FOXP1: variants seen among roughly 807,000 people sequenced by gnomAD.
FOXP1 encodes forkhead box protein P1.
In FOXP1, 15 loss-of-function variants were observed where a neutral mutation model predicts 98.2. The observed-to-expected ratio is 0.15, with a 90% CI of 0.10 to 0.24. The LOEUF is 0.24. FOXP1 is among the 10% of genes least tolerant of loss of function. The probability of loss-of-function intolerance (pLI) is 1.00; values close to 1 mark genes in which losing one functional copy is unlikely to be tolerated. For synonymous variants in FOXP1, 371 were observed against 314.5 expected (o/e 1.18, Z -1.90); for missense variants, 633 against 848.5 (o/e 0.75, Z 3.15).
intron 6 of FOXP1, among the ~76,000 whole-genome samples, chr3:71,196,378 C>A (rs940318583): frequency 6.6e-6 from 1 of 152,014 alleles, no homozygotes; most frequent in East Asian, 1.9e-4. Context: ...TGTGTGTGGG[C>A]GCATGTGTGT....
chr3:70,987,393 A>T (rs554220027), intron 14 of FOXP1, among the ~76,000 whole-genome samples: 1 of 152,348 alleles, frequency 6.6e-6, no homozygotes, highest in Non-Finnish European at 1.5e-5. Context: ...GATTCTTACA[A>T]ATTAAATGTA....
At chr3:70,994,040 A>AAAAG (rs2041020132) in intron 13 of FOXP1, among the ~76,000 whole-genome samples, 1 of 149,506 alleles carries the variant, frequency 6.7e-6, no homozygotes, top group African/African-American at 2.5e-5. Flanking sequence ...AAGAAAAAGA[A>AAAAG]AAAAAAGTGA....
At chr3:71,358,563 C>T (rs928898652) in intron 4 of FOXP1, among the ~76,000 whole-genome samples, 6 of 152,188 alleles carry the variant, frequency 3.9e-5, no homozygotes, top group Non-Finnish European at 8.8e-5. Context: ...CACCATCTTT[C>T]AAGGTAGTAA....
At chr3:71,289,120 C>T (rs998225406) in intron 5 of FOXP1, among the ~76,000 whole-genome samples, 8 of 151,810 alleles carry the variant, frequency 5.3e-5, no homozygotes, top group African/African-American at 1.7e-4. Flanking sequence ...CTGCAACCTC[C>T]GTCTCCCGGG....
intron 2 of FOXP1, among the ~76,000 whole-genome samples, chr3:71,529,386 A>G (rs1310776012): frequency 1.3e-5 from 2 of 152,190 alleles, no homozygotes; most frequent in African/African-American, 4.8e-5. Flanking sequence ...TAAGAAATAA[A>G]TATTTGGTCT....
At chr3:71,371,491 A>G (rs1474944466) in intron 3 of FOXP1, among the ~76,000 whole-genome samples, 1 of 152,222 alleles carries the variant, frequency 6.6e-6, no homozygotes, top group East Asian at 1.9e-4. Flanking sequence ...CATCCATTTC[A>G]GAATAAAATC....
intron 3 of FOXP1, among the ~76,000 whole-genome samples, chr3:71,477,081 G>A (rs1249623273): frequency 1.3e-5 from 2 of 152,136 alleles, no homozygotes; most frequent in African/African-American, 4.8e-5. Context: ...AGCTAGTGTT[G>A]CAGATACAGC....
At chr3:71,188,472 T>C (rs909589368) in intron 6 of FOXP1, among the ~76,000 whole-genome samples, 2 of 151,582 alleles carry the variant, frequency 1.3e-5, no homozygotes, top group African/African-American at 2.4e-5. Flanking sequence ...TGGAGTGCAG[T>C]GGCACAATCT....
intron 6 of FOXP1, among the ~76,000 whole-genome samples, chr3:71,132,187 T>C (rs961341450): frequency 1.3e-5 from 2 of 152,170 alleles, no homozygotes; most frequent in African/African-American, 2.4e-5. Context: ...GCCATGAAAG[T>C]GGGCGGTCAG....
At chr3:71,315,624 G>A (rs75651010) in intron 4 of FOXP1, among the ~76,000 whole-genome samples, 1,946 of 152,254 alleles carry the variant, frequency 0.013, 30 homozygotes, top group Admixed American at 0.033. Flanking sequence ...CCTCTGGGAG[G>A]GGACTCTGTG....
chr3:71,522,014 C>T (rs2043030695), intron 2 of FOXP1, among the ~76,000 whole-genome samples: 2 of 142,920 alleles, frequency 1.4e-5, no homozygotes. Context: ...AACATCTGAA[C>T]AGCAAGAAAT....
At chr3:71,302,204 A>G (rs2073904063) in intron 4 of FOXP1, among the ~76,000 whole-genome samples, 1 of 152,222 alleles carries the variant, frequency 6.6e-6, no homozygotes, top group African/African-American at 2.4e-5. Flanking sequence ...AAAAAGATTA[A>G]TAGTTCAACA....
intron 5 of FOXP1, among the ~76,000 whole-genome samples, chr3:71,246,760 A>C (rs1028788294): frequency 2.6e-5 from 4 of 152,226 alleles, no homozygotes; most frequent in Non-Finnish European, 5.9e-5. Context: ...TGGCCAGTTC[A>C]GCGCGTCTTA....
intron 1 of FOXP1, among the ~76,000 whole-genome samples, chr3:71,583,135 C>T (rs776928406): frequency 6.6e-6 from 1 of 152,126 alleles, no homozygotes; most frequent in East Asian, 1.9e-4. Flanking sequence ...TTGCGCCAGG[C>T]GGCCTGGGCT....
At chr3:71,186,450 C>G (rs1051013903) in intron 6 of FOXP1, among the ~76,000 whole-genome samples, 1 of 152,240 alleles carries the variant, frequency 6.6e-6, no homozygotes, top group African/African-American at 2.4e-5. Flanking sequence ...CGGTGGCTCA[C>G]GCCTGTAATC....
chr3:71,532,245 G>A (rs1402056600), intron 2 of FOXP1, among the ~76,000 whole-genome samples: 1 of 152,120 alleles, frequency 6.6e-6, no homozygotes, highest in Non-Finnish European at 1.5e-5. Flanking sequence ...AACTACAGAT[G>A]TGTGCCACCA....
At chr3:71,272,828 T>C (rs2070507769) in intron 5 of FOXP1, among the ~76,000 whole-genome samples, 1 of 152,102 alleles carries the variant, frequency 6.6e-6, no homozygotes, top group African/African-American at 2.4e-5. Context: ...TGCAGATACC[T>C]TTTCAAGGGT....
At chr3:71,537,124 C>T (rs1422742796) in intron 2 of FOXP1, among the ~76,000 whole-genome samples, 2 of 152,126 alleles carry the variant, frequency 1.3e-5, no homozygotes, top group Non-Finnish European at 2.9e-5. Context: ...CTAACCAAGG[C>T]CTGGGTACTA....
At chr3:71,086,473 G>A (rs528028425) in intron 7 of FOXP1, among the ~76,000 whole-genome samples, 1 of 152,310 alleles carries the variant, frequency 6.6e-6, no homozygotes, top group Admixed American at 6.5e-5. Flanking sequence ...GGGAAAGGGA[G>A]CACATTTGAT....
Sources: gnomAD v4.1 joint callset for allele counts (sites outside exome capture counted in the v4.1 genomes callset) on GRCh38, gnomAD v4.1.1 for gene constraint, MANE v1.5 for transcripts, NCBI Gene and HGNC (gene_info 2026-07-23, HGNC 2026-07-21) for gene names.